C21orf58: variants seen among roughly 807,000 people sequenced by gnomAD.
C21orf58 encodes chromosome 21 open reading frame 58, also known as uncharacterized protein C21orf58.
Under a neutral mutation model 35.8 loss-of-function variants are expected in C21orf58, and 34 were observed. The ratio of observed to expected loss-of-function variants is 0.95; its 90% confidence interval spans 0.72 to 1.26. The LOEUF is 1.26. Among genes scored for constraint, C21orf58 ranks in the 50% most tolerant of loss-of-function variants. C21orf58 has a pLI of 0.00. For missense variants in C21orf58, 440 were observed against 414.3 expected (o/e 1.06, Z -0.54); for synonymous variants, 191 against 175.8 (o/e 1.09, Z -0.68).
At chr21:46,305,332 T>C (rs1343862088) in intron 6 of C21orf58, among the ~76,000 whole-genome samples, 2 of 147,324 alleles carry the variant, frequency 1.4e-5, no homozygotes, top group African/African-American at 2.5e-5. Flanking sequence ...TTAATCTTTT[T>C]TTTTTTTTTT....
intron 6 of C21orf58, among the ~76,000 whole-genome samples, chr21:46,304,489 GA>G (rs74527729): frequency 1.4e-4 from 19 of 137,154 alleles, no homozygotes; most frequent in African/African-American, 3.5e-4. Context: ...CTGTCTCTTA[GA>G]AAAAAAAAAA....
At chr21:46,315,617 T>C (rs1601695674) in intron 3 of C21orf58, 70 bp from the exon 4 acceptor site, 1 of 1,016,880 alleles carries the variant, frequency 9.8e-7, no homozygotes. Context: ...TCGGACTGGA[T>C]GGTACTGCAC....
Position 46,311,480 on chromosome 21 carries a change from G to C in C21orf58, c.697C>G (p.Gln233Glu). The change falls in exon 6 of 8, where the codon CAA becomes GAA. Residue 233 changes from glutamine (Q) to glutamate (E), a missense_variant. By Grantham distance (29) the Gln-to-Glu change is conservative. Transcript: ENST00000291691. ...CCTTCCTTAATACTTCCTGACCGTT[G>C]AGTAGGGAAGGCCTGGGGAGGAGGA... ...QIPPPQAFPT[Q>E]RSGSIKEDMV... The C allele has an allele frequency of 6.2e-7, 1 of 1,605,804 alleles. No individual in the cohort carries two copies. Among genetic ancestry groups the C allele is most frequent in the South Asian group, 1.1e-5 (1 of 89,728 alleles).
At chr21:46,318,603 C>A (rs978558736) in intron 1 of C21orf58, 15 of 1,111,924 alleles carry the variant, frequency 1.3e-5, no homozygotes, top group Non-Finnish European at 1.7e-5. Context: ...TCCTAGGGAC[C>A]CTCAGAGCAA....
rs2082255165 is a variant in C21orf58, at chr21:46,303,730, TATATA to T, written c.722-1159_722-1155del. Among the ~76,000 whole-genome samples the T allele has an allele frequency of 3.1e-4, 9 of 28,732 alleles. 1 individual carries two copies. Among genetic ancestry groups the T allele is most frequent in the Non-Finnish European group, 5.9e-4 (9 of 15,256 alleles). The allele number at this position is 28,732 out of a possible 152,430, so 18.8% of individuals were successfully genotyped here. ...CAAAATATATATATATATATATATA[TATATA>T]TATATATATATTTTTTTTTTTTTTT... On this transcript the variant is annotated intron_variant, in intron 6 of 7. Transcript: ENST00000291691.
chr21:46,322,704 C>G lies in C21orf58; in HGVS notation c.35G>C (p.Arg12Thr). ...ARSRLPATSL[R>T]KPWKLDRQKL... Reference sequence around the variant, plus strand: ...CTGGCGGTCGAGCTTCCACGGCTTCCTGAGGGAGGTTGCAGGGAGCCGAGA... The same window carrying G: ...CTGGCGGTCGAGCTTCCACGGCTTCGTGAGGGAGGTTGCAGGGAGCCGAGA... Residue 12 changes from arginine to threonine, a missense_variant, in exon 1 of 8, where the codon AGG becomes ACG. Physicochemically the swap from Arg to Thr is moderately conservative, Grantham distance 71 (BLOSUM62 -1). Transcript: ENST00000291691. 1.3e-6 allele frequency: 2 copies of G among 1,573,744 alleles called. No homozygotes were observed. The highest frequency in any genetic ancestry group is 1.7e-6 in the Non-Finnish European group (2 of 1,158,840).
chr21:46,313,131 G>A, intron 5 of C21orf58: 1 of 899,284 alleles, frequency 1.1e-6, no homozygotes, highest in Non-Finnish European at 1.3e-6. Context: ...CACACCGTCA[G>A]CTCTTGAGTT....
chr21:46,303,707 AAATATATATATATATATATATATATAT>A (rs2082237635), intron 6 of C21orf58, among the ~76,000 whole-genome samples: 1 of 41,528 alleles, frequency 2.4e-5, no homozygotes, highest in Non-Finnish European at 4.5e-5. Flanking sequence ...CACACACACA[AAATATATATATATATATATATATATAT>A]ATATATATAT....
At chr21:46,302,989 C>T (rs1357831674) in intron 6 of C21orf58, among the ~76,000 whole-genome samples, 1 of 151,622 alleles carries the variant, frequency 6.6e-6, no homozygotes, top group Non-Finnish European at 1.5e-5. Context: ...GGGGCGCGCC[C>T]TGAGTCTCTA....
At chr21:46,307,765 A>T (rs940087969) in intron 6 of C21orf58, among the ~76,000 whole-genome samples, 1 of 152,194 alleles carries the variant, frequency 6.6e-6, no homozygotes, top group Non-Finnish European at 1.5e-5. Context: ...GACAGCTGTC[A>T]GGTGATTCAG....
chr21:46,312,652 G>A (rs919121707), intron 5 of C21orf58, among the ~76,000 whole-genome samples: 4 of 152,204 alleles, frequency 2.6e-5, no homozygotes, highest in Non-Finnish European at 4.4e-5. Flanking sequence ...TTACAGGCAT[G>A]AGCCACCATG....
At chr21:46,313,068 G>C (rs1440840777) in intron 5 of C21orf58, 1 of 985,294 alleles carries the variant, frequency 1.0e-6, no homozygotes, top group Non-Finnish European at 1.2e-6. Flanking sequence ...CAGAGACCAA[G>C]AGTTGGCAAA....
chr21:46,317,461 G>T, intron 2 of C21orf58, 193 bp from the exon 3 acceptor site: 1 of 853,004 alleles, frequency 1.2e-6, no homozygotes, highest in Non-Finnish European at 1.8e-6. Flanking sequence ...CTGACCTCTA[G>T]CAAATTCATG....
chr21:46,314,638 G>A (rs933231562), intron 5 of C21orf58, 78 bp downstream of exon 5: 18 of 1,146,180 alleles, frequency 1.6e-5, no homozygotes, highest in African/African-American at 1.6e-4. Context: ...CAGGCACAGC[G>A]CCTCCTGCCT....
chr21:46,321,207 C>T lies in C21orf58; in HGVS notation c.100+1432G>A, dbSNP rs537590751. Among the ~76,000 whole-genome samples the T allele has an allele frequency of 1.1e-4, 16 of 152,108 alleles. No individual in the cohort carries two copies. The East Asian group carries it at 1.7e-3, about 17-fold the overall frequency. On this transcript the variant is annotated intron_variant, in intron 1 of 7. Transcript: ENST00000291691. ...TTTTTGAGACAGAGTCTCGCTGCGA[C>T]GCCCAGGCTAGAGTGCAATGGTGCA... is the stretch of plus-strand genomic sequence containing the variant.
intron 6 of C21orf58, among the ~76,000 whole-genome samples, chr21:46,306,124 C>T (rs2082407339): frequency 6.6e-6 from 1 of 150,856 alleles, no homozygotes; most frequent in Non-Finnish European, 1.5e-5. Flanking sequence ...ATTATCTGGG[C>T]AAGCCCAGTG....
In C21orf58 at chr21:46,323,237, TCCAAGACAC is replaced by T. The variant is rs2083236327; in HGVS notation, c.-508_-500del. On this transcript the variant is annotated 5_prime_UTR_variant, in exon 1 of 8. Transcript: ENST00000291691. ...GTCCGGGCTTCGGTGTCCAGAGAGC[TCCAAGACAC>T]CCAAACCTTCCGTGGTTTCCACCTC... 1 of 152,276 alleles carries T rather than the reference TCCAAGACAC, an allele frequency of 6.6e-6. No individual in the cohort carries two copies. The highest frequency in any genetic ancestry group is 6.5e-5 in the Admixed American group (1 of 15,280). The allele number at this position is 152,276 out of a possible 1,614,324, so 9.4% of individuals were successfully genotyped here.
intron 1 of C21orf58, among the ~76,000 whole-genome samples, chr21:46,321,883 C>G (rs184833364): frequency 7.3e-6 from 1 of 136,282 alleles, no homozygotes; most frequent in Non-Finnish European, 1.6e-5. Context: ...TGAGTATCTA[C>G]AAAATTTATC....
intron 6 of C21orf58, among the ~76,000 whole-genome samples, chr21:46,302,978 C>T (rs2082191879): frequency 6.6e-6 from 1 of 151,378 alleles, no homozygotes; most frequent in Non-Finnish European, 1.5e-5. Flanking sequence ...TGCGGGTCCC[C>T]GGGGCGCGCC....
Sources: gnomAD v4.1 joint callset for allele counts (sites outside exome capture counted in the v4.1 genomes callset) on GRCh38, gnomAD v4.1.1 for gene constraint, MANE v1.5 for transcripts, NCBI Gene and HGNC (gene_info 2026-07-23, HGNC 2026-07-21) for gene names.